Variants in TTN observed in about 807,000 individuals in gnomAD.
The protein encoded by TTN is titin.
In TTN, 1,525 loss-of-function variants were observed where a neutral mutation model predicts 3,223.0. That is an observed-to-expected ratio of 0.47 (90% CI 0.45 to 0.49). TTN has a LOEUF of 0.49. Ranked by LOEUF, TTN falls within the 20% of genes least tolerant of loss-of-function variation. The pLI, the probability that TTN is intolerant of heterozygous loss-of-function variation, is 0.00. For missense variants in TTN, 40,786 were observed against 43,424.0 expected (o/e 0.94, Z 5.40); for synonymous variants, 14,094 against 15,161.0 (o/e 0.93, Z 5.17).
chr2:178,540,657 G>A (rs559705525), intron 350 of TTN, among the ~76,000 whole-genome samples: 5 of 152,118 alleles, frequency 3.3e-5, no homozygotes, highest in Middle Eastern at 3.4e-3. Context: ...TTAGCCATGC[G>A]TGGTGGCAGG....
Position 178,783,084 on chromosome 2 carries a change from TAAA to T in TTN, c.2842-23_2842-21del. 8.1e-6 allele frequency: 13 copies of T among 1,612,202 alleles called. No homozygotes were observed. Among genetic ancestry groups the T allele is most frequent in the Non-Finnish European group, 1.1e-5 (13 of 1,178,458 alleles). ...TAAGCCCTGAAGAGAGGAGAAAAAA[TAAA>T]TAATGATACGTGTGCATATTCATTA... On this transcript the variant is annotated intron_variant, in intron 17 of 362. Transcript: ENST00000589042.
At chr2:178,611,736 G>C in intron 268 of TTN, 22 bp downstream of exon 268, 1 of 1,611,280 alleles carries the variant, frequency 6.2e-7, no homozygotes, top group Non-Finnish European at 8.5e-7. Flanking sequence ...ACAATATCTT[G>C]TGTATAATCA....
chr2:178,567,446 C>G lies in TTN; in HGVS notation c.78686G>C (p.Arg26229Thr). ...AGATTCTTCAATTTCCTTATCTCCT[C>G]TTAACCACTCAATGGTAGGTAGGGG... ...GKPLPTIEWL[R>T]GDKEIEESAR... The change falls in exon 326 of 363, where the codon AGA becomes ACA. Residue 26229 changes from arginine to threonine, a missense_variant. Transcript: ENST00000589042. The G allele has an allele frequency of 6.2e-7, 1 of 1,612,812 alleles. No homozygotes were observed. Among genetic ancestry groups the G allele is most frequent in the Non-Finnish European group, 8.5e-7 (1 of 1,179,316 alleles).
Position 178,560,796 on chromosome 2 carries a change from T to C in TTN, c.85336A>G (p.Lys28446Glu). ...AGTRSVAVNC[K>E]VLDKPGPPAG... Reference sequence around the variant, plus strand: ...GGTGGACCAGGCTTATCAAGTACTTTGCAATTAACGGCCACAGACCGAGTG... The same window carrying C: ...GGTGGACCAGGCTTATCAAGTACTTCGCAATTAACGGCCACAGACCGAGTG... Residue 28446 changes from lysine to glutamate, a missense_variant, in exon 326 of 363, where the codon AAA (lysine) becomes GAA (glutamate). Coordinates refer to ENST00000589042, the MANE Select transcript of TTN (RefSeq NM_001267550.2). 1 of 1,613,736 alleles carries C rather than the reference T, an allele frequency of 6.2e-7. No homozygotes were observed. The highest frequency in any genetic ancestry group is 8.5e-7 in the Non-Finnish European group (1 of 1,179,778).
chr2:178,581,449 G>A, intron 316 of TTN, 50 bp downstream of exon 316: 1 of 1,460,486 alleles, frequency 6.8e-7, no homozygotes, highest in Non-Finnish European at 9.3e-7. Flanking sequence ...CTCCCTCTTA[G>A]AATATGATTA....
intron 15 of TTN, among the ~76,000 whole-genome samples, chr2:178,784,731 G>A (rs2093044981): frequency 6.6e-6 from 1 of 152,176 alleles, no homozygotes; most frequent in Admixed American, 6.5e-5. Flanking sequence ...TATTGAAATT[G>A]TTGGTAAATG....
Position 178,613,791 on chromosome 2 carries a change from C to T in TTN, c.49492G>A (p.Val16498Ile), listed in dbSNP as rs781046006. The T allele has an allele frequency of 1.2e-6, 2 of 1,612,518 alleles. No individual in the cohort carries two copies. The highest frequency in any genetic ancestry group is 1.1e-5 in the South Asian group (1 of 91,012). ...ERLDPDTDKW[V>I]RCNKMPVKDT... ...TTTACTGGCATCTTATTGCATCTAA[C>T]CCATTTATCTGTATCAGGATCCAGT... Residue 16498 changes from valine (V) to isoleucine (I), a missense_variant, in exon 263 of 363, where the codon GTT becomes ATT. Transcript: ENST00000589042.
intron 47 of TTN, chr2:178,751,518 C>T: frequency 6.2e-7 from 1 of 1,613,438 alleles, no homozygotes; most frequent in South Asian, 1.1e-5. Flanking sequence ...ATCCTATCTT[C>T]TCCCCTTTCA....
At chr2:178,643,135 T>C (rs920048545) in intron 218 of TTN, among the ~76,000 whole-genome samples, 3 of 151,956 alleles carry the variant, frequency 2.0e-5, no homozygotes, top group African/African-American at 4.8e-5. Flanking sequence ...TCTCTACTAA[T>C]GTCAATTAAA....
chr2:178,577,507 G>A lies in TTN; in HGVS notation c.68828C>T (p.Ala22943Val). 6.4e-7 allele frequency: 1 copy of A among 1,568,598 alleles called. No homozygotes were observed. Among genetic ancestry groups the A allele is most frequent in the African/African-American group, 1.4e-5 (1 of 73,208 alleles). The change falls in exon 324 of 363, where the codon GCA becomes GTA. Residue 22943 changes from alanine (A) to valine (V), a missense_variant. Transcript: ENST00000589042. ...ETIICKDEYE[A>V]PTIVLDPTIK... Reference sequence around the variant, plus strand: ...TGTGGGATCAAGGACAATTGTTGGTGCCTCTGCAAAGAAAAAAATACATTT... The same window carrying A: ...TGTGGGATCAAGGACAATTGTTGGTACCTCTGCAAAGAAAAAAATACATTT...
At chr2:178,616,054 T>G (rs2057278932) in intron 257 of TTN, among the ~76,000 whole-genome samples, 1 of 151,950 alleles carries the variant, frequency 6.6e-6, no homozygotes. Context: ...ATCAGAAATA[T>G]GATTTTAATT....
Position 178,718,324 on chromosome 2 carries a change from A to G in TTN, c.24782T>C (p.Leu8261Ser). 6.2e-7 allele frequency: 1 copy of G among 1,612,946 alleles called. No individual in the cohort carries two copies. The highest frequency in any genetic ancestry group is 8.5e-7 in the Non-Finnish European group (1 of 1,179,216). Residue 8261 changes from leucine (L) to serine (S), a missense_variant and splice_region_variant, in exon 85 of 363, where the codon TTA becomes TCA. Physicochemically the swap from Leu to Ser is moderately radical, Grantham distance 145. Coordinates refer to ENST00000589042, the MANE Select transcript of TTN (RefSeq NM_001267550.2). ...QDICEALVSV[L>S]EPPYFIEPLE... ...AAAAGAGGTAGCTGTCAACACACCT[A>G]AGACAGACACCAGAGCTTCACAGAT...
In TTN at chr2:178,579,197, G is replaced by A. The variant is rs375538420; in HGVS notation, c.67833C>T (p.Tyr22611=). ...SSAVNTTLIV[Y]DCQKSDAGKY... Reference sequence around the variant, plus strand: ...TTCCAGCATCAGATTTTTGGCAATCGTACACTATAAGAGTTGTGTTAACCG... The same window carrying A: ...TTCCAGCATCAGATTTTTGGCAATCATACACTATAAGAGTTGTGTTAACCG... Residue 22611 remains tyrosine (Y), a synonymous_variant, in exon 320 of 363, where the codon TAC becomes TAT. Transcript: ENST00000589042. The A allele has an allele frequency of 3.5e-4, 560 of 1,613,304 alleles. No homozygotes were observed. Among genetic ancestry groups the A allele is most frequent in the Non-Finnish European group, 4.3e-4 (508 of 1,179,590 alleles).
rs752969136 is a variant in TTN, at chr2:178,576,172, G to A, written c.69960C>T (p.Asn23320=). 10 of 1,612,972 alleles carry A rather than the reference G, an allele frequency of 6.2e-6. No individual in the cohort carries two copies. The highest frequency in any genetic ancestry group is 5.0e-5 in the Admixed American group (3 of 59,938). The change falls in exon 326 of 363, where the codon AAC becomes AAT. Residue 23320 remains asparagine, a synonymous_variant. Coordinates refer to ENST00000589042, the MANE Select transcript of TTN (RefSeq NM_001267550.2). The surrounding 1 kb of genome is among the most constrained non-coding windows in gnomAD (Gnocchi z 4.3). ...EKYNFRISAI[N]DAGVGEPAVI... Reference sequence around the variant, plus strand: ...CCGCTGGCTCCCCAACACCTGCATCGTTGATGGCACTGATTCTGAAGTTGT... The same window carrying A: ...CCGCTGGCTCCCCAACACCTGCATCATTGATGGCACTGATTCTGAAGTTGT...
At position 178,774,233 on chromosome 2, in the gene TTN, T is replaced by C; in HGVS notation, c.7031A>G (p.Lys2344Arg). Residue 2344 changes from lysine (K) to arginine (R), a missense_variant, in exon 30 of 363, where the codon AAG (lysine) becomes AGG (arginine). By Grantham distance (26) the Lys-to-Arg change is conservative. Coordinates refer to ENST00000589042, the MANE Select transcript of TTN (RefSeq NM_001267550.2). ...GEYSFVIDGK[K>R]TTCKLKMKPR... ...TTTCATCTTTAATTTACAGGTTGTC[T>C]TTTTCCCGTCGATGACAAAGCTGTA... 6.2e-7 allele frequency: 1 copy of C among 1,614,118 alleles called. No individual in the cohort carries two copies. The highest frequency in any genetic ancestry group is 1.3e-5 in the African/African-American group (1 of 75,060).
chr2:178,579,701 C>T lies in TTN; in HGVS notation c.67496G>A (p.Arg22499Gln), dbSNP rs767993624. ...DFLTEENKWQ[R>Q]VMKSLSLQYS... ...CTGTAGGCTTAAGGATTTCATAACT[C>T]GTTGCCACTTATTTTCTTCAGTCAG... Residue 22499 changes from arginine (R) to glutamine (Q), a missense_variant, in exon 319 of 363, where the codon CGA (arginine) becomes CAA (glutamine). Physicochemically the swap from Arg to Gln is conservative, Grantham distance 43. Transcript: ENST00000589042. The T allele has an allele frequency of 1.2e-5, 20 of 1,613,088 alleles. No homozygotes were observed. Among genetic ancestry groups the T allele is most frequent in the Middle Eastern group, 1.6e-4 (1 of 6,078 alleles).
In TTN at chr2:178,776,534, C is replaced by A; in HGVS notation, c.5330G>T (p.Cys1777Phe). 6.2e-7 allele frequency: 1 copy of A among 1,610,710 alleles called. No individual in the cohort carries two copies. Residue 1777 changes from cysteine (C) to phenylalanine (F), a missense_variant, in exon 28 of 363, where the codon TGC (cysteine) becomes TTC (phenylalanine). Physicochemically the swap from Cys to Phe is radical, Grantham distance 205. Coordinates refer to ENST00000589042, the MANE Select transcript of TTN (RefSeq NM_001267550.2). ...TGTTCCATATTTGTTAGTGGCTCTG[C>A]AAGTAATGATACCACTGTCTCTAGA... ...AYSRDSGIIT[C>F]RATNKYGTDH...
At chr2:178,743,869 C>T (rs2082943386) in intron 47 of TTN, among the ~76,000 whole-genome samples, 1 of 152,058 alleles carries the variant, frequency 6.6e-6, no homozygotes, top group South Asian at 2.1e-4. Context: ...CTGGTTGGAA[C>T]AGGAATGATT....
chr2:178,757,878 A>T lies in TTN; in HGVS notation c.10342T>A (p.Trp3448Arg), dbSNP rs778111336. The T allele has an allele frequency of 2.0e-6, 3 of 1,535,082 alleles. No individual in the cohort carries two copies. The highest frequency in any genetic ancestry group is 1.3e-5 in the South Asian group (1 of 76,704). The stretch of plus-strand genomic sequence containing the variant: ...AATGAAACTGATAAAGAGACATGCC[A>T]TTGGGAGTTTGATGTATTTTCTTCA... The part of the protein sequence containing the change: ...KFEENTSNSQ[W>R]HVSLSVSFKK... The change falls in exon 45 of 363, where the codon TGG (tryptophan) becomes AGG (arginine). Residue 3448 changes from tryptophan to arginine, a missense_variant. By Grantham distance (101) the Trp-to-Arg change is moderately radical (BLOSUM62 -3). Coordinates refer to ENST00000589042, the MANE Select transcript of TTN (RefSeq NM_001267550.2).
Sources: allele counts gnomAD v4.1 joint callset (sites outside exome capture counted in the v4.1 genomes callset), GRCh38; gene constraint gnomAD v4.1.1; non-coding constraint Gnocchi (gnomAD v3.1); transcripts MANE v1.5; gene names NCBI Gene and HGNC (gene_info 2026-07-23, HGNC 2026-07-21).